RGS12: variants seen among roughly 807,000 people sequenced by gnomAD.
The protein encoded by RGS12 is regulator of G-protein signaling 12.
Under a neutral mutation model 120.1 loss-of-function variants are expected in RGS12, and 66 were observed. The observed-to-expected ratio is 0.55, with a 90% confidence interval of 0.45 to 0.67. The LOEUF (loss-of-function observed/expected upper bound fraction) is 0.67, where lower values mean the gene tolerates loss of function less well. Ranked by LOEUF, RGS12 falls within the 30% of genes least tolerant of loss-of-function variation. The pLI, the probability that RGS12 is intolerant of heterozygous loss-of-function variation, is 0.00. For missense variants in RGS12, 1,859 were observed against 1,957.7 expected (o/e 0.95, Z 0.95); for synonymous variants, 827 against 804.7 (o/e 1.03, Z -0.47).
In RGS12 at chr4:3,316,125, C is replaced by T; in HGVS notation, c.-46C>T. ...ATCAAGCATTCCTTGAAATATGGCT[C>T]CAAGGGAACAATGAGACGTGCTCTT... is the stretch of plus-strand genomic sequence containing the variant. On this transcript the variant is annotated 5_prime_UTR_variant, in exon 2 of 18. Coordinates refer to ENST00000336727, the MANE Select transcript of RGS12 (RefSeq NM_001394154.1). 6.7e-7 allele frequency: 1 copy of T among 1,501,712 alleles called. No homozygotes were observed. Among genetic ancestry groups the T allele is most frequent in the African/African-American group, 1.4e-5 (1 of 71,454 alleles). The allele number at this position is 1,501,712 out of a possible 1,614,324, so 93.0% of individuals were successfully genotyped here.
At chr4:3,296,815 G>T (rs902308231) in intron 1 of RGS12, among the ~76,000 whole-genome samples, 1 of 152,206 alleles carries the variant, frequency 6.6e-6, no homozygotes, top group African/African-American at 2.4e-5. Flanking sequence ...CAGGTGTCCT[G>T]GGAAGGAAGA....
chr4:3,376,597 A>C (rs1006415564), intron 3 of RGS12, among the ~76,000 whole-genome samples: 19 of 152,316 alleles, frequency 1.2e-4, no homozygotes, highest in Admixed American at 1.2e-3. Context: ...GGGTTCACAG[A>C]CAGCACGGGC....
chr4:3,431,420 C>G, intron 17 of RGS12: 1 of 999,426 alleles, frequency 1.0e-6, no homozygotes. Flanking sequence ...CAGACACAGG[C>G]CCGTCCTCGG....
intron 3 of RGS12, among the ~76,000 whole-genome samples, chr4:3,346,189 A>C (rs1713775243): frequency 6.6e-6 from 1 of 152,130 alleles, no homozygotes; most frequent in South Asian, 2.1e-4. Flanking sequence ...GTGTCCCATG[A>C]CTGAGTTGGA....
chr4:3,406,551 C>T (rs533008740), intron 4 of RGS12, among the ~76,000 whole-genome samples: 1 of 152,230 alleles, frequency 6.6e-6, no homozygotes, highest in Admixed American at 6.5e-5. Context: ...TGGCCATGCC[C>T]ATTCCTGCAG....
intron 1 of RGS12, among the ~76,000 whole-genome samples, chr4:3,300,835 A>C (rs1049695478): frequency 7.9e-5 from 12 of 152,208 alleles, no homozygotes; most frequent in African/African-American, 2.7e-4. Flanking sequence ...GAAATTCAGG[A>C]TCATTGCCTC....
intron 8 of RGS12, 123 bp from the exon 9 acceptor site, chr4:3,417,265 C>A: frequency 7.6e-7 from 1 of 1,314,450 alleles, no homozygotes; most frequent in Non-Finnish European, 1.0e-6. Flanking sequence ...ACACCATGAC[C>A]TGTAGAAGTG....
chr4:3,402,144 G>C (rs1720651150), intron 4 of RGS12, among the ~76,000 whole-genome samples: 1 of 152,200 alleles, frequency 6.6e-6, no homozygotes, highest in Non-Finnish European at 1.5e-5. Context: ...TTGATTGTTT[G>C]ATATCAGAAG....
intron 1 of RGS12, among the ~76,000 whole-genome samples, chr4:3,293,440 G>A (rs1448588245): frequency 6.9e-6 from 1 of 145,216 alleles, no homozygotes; most frequent in African/African-American, 2.6e-5. Flanking sequence ...ACCCGCGGGG[G>A]CGGCGCCGGG....
At chr4:3,290,879 C>T (rs1722987322), upstream of RGS12, among the ~76,000 whole-genome samples, 1 of 152,252 alleles carries the variant, frequency 6.6e-6, no homozygotes, top group Non-Finnish European at 1.5e-5. Flanking sequence ...GCAAGACCTA[C>T]CTTTTCAAAA....
chr4:3,359,576 T>A (rs1715361472), intron 3 of RGS12, among the ~76,000 whole-genome samples: 1 of 147,676 alleles, frequency 6.8e-6, no homozygotes, highest in African/African-American at 2.5e-5. Flanking sequence ...TGATTCAGTT[T>A]GCTTACTAGT....
At chr4:3,320,249 A>G (rs920856267) in intron 2 of RGS12, among the ~76,000 whole-genome samples, 1 of 152,180 alleles carries the variant, frequency 6.6e-6, no homozygotes, top group Non-Finnish European at 1.5e-5. Flanking sequence ...TCCCCATCCC[A>G]CCAGTGAATG....
At chr4:3,348,102 A>G (rs1713993100) in intron 3 of RGS12, among the ~76,000 whole-genome samples, 2 of 152,250 alleles carry the variant, frequency 1.3e-5, no homozygotes. Context: ...ACTAAAGCTA[A>G]TTATGGGTCA....
intron 11 of RGS12, 120 bp downstream of exon 11, chr4:3,422,690 T>A: frequency 8.3e-7 from 1 of 1,199,624 alleles, no homozygotes; most frequent in Non-Finnish European, 1.2e-6. Flanking sequence ...CAACAGCGCC[T>A]GGGGCGGAGG....
intron 3 of RGS12, among the ~76,000 whole-genome samples, chr4:3,383,861 C>T (rs1285609203): frequency 2.0e-5 from 3 of 152,178 alleles, no homozygotes; most frequent in Non-Finnish European, 2.9e-5. Flanking sequence ...CCACCTTCTC[C>T]TTCAGTCTGT....
chr4:3,293,348 C>CGGGCCTGTG (rs1341956275), intron 1 of RGS12, among the ~76,000 whole-genome samples: 1 of 145,508 alleles, frequency 6.9e-6, no homozygotes, highest in Non-Finnish European at 1.5e-5. Flanking sequence ...GCGCGGGGCG[C>CGGGCCTGTG]GGGCCTGTGG....
intron 3 of RGS12, among the ~76,000 whole-genome samples, chr4:3,353,494 G>A (rs1714571383): frequency 6.6e-6 from 1 of 152,200 alleles, no homozygotes; most frequent in Admixed American, 6.5e-5. Context: ...ACTTGGGTAT[G>A]ACAGGGACTA....
chr4:3,297,125 C>G (rs1014877340), intron 1 of RGS12, among the ~76,000 whole-genome samples: 1 of 152,230 alleles, frequency 6.6e-6, no homozygotes, highest in African/African-American at 2.4e-5. Context: ...TTTGTTCTTT[C>G]TGTTTTTCTT....
In RGS12 at chr4:3,371,071, T is replaced by A. The variant is rs777542919; in HGVS notation, c.1999-15345T>A. 1.0e-3 allele frequency among the ~76,000 whole-genome samples: 158 copies of A among 152,318 alleles called. 2 individuals carry two copies. The highest frequency in any genetic ancestry group is 1.2e-4 in the Non-Finnish European group (8 of 68,022). ...AGAAGCGAAGGACAAACTACTAGTT[T>A]AGAGATGAGGGGCATGGAGGGGTTG... is the stretch of plus-strand genomic sequence containing the variant. On this transcript the variant is annotated intron_variant, in intron 3 of 17. Transcript: ENST00000336727.
Sources: allele counts gnomAD v4.1 joint callset (sites outside exome capture counted in the v4.1 genomes callset), GRCh38; gene constraint gnomAD v4.1.1; transcripts MANE v1.5; gene names NCBI Gene and HGNC (gene_info 2026-07-23, HGNC 2026-07-21).